Variants in GPR89A observed in about 807,000 individuals in gnomAD.
The protein encoded by GPR89A is golgi pH regulator A.
In GPR89A, 16 loss-of-function variants were observed where a neutral mutation model predicts 52.0. The ratio of observed to expected loss-of-function variants is 0.31; its 90% confidence interval spans 0.21 to 0.47. GPR89A has a LOEUF of 0.47. GPR89A is among the 20% of genes least tolerant of loss of function. The probability of loss-of-function intolerance (pLI) is 1.00; values close to 1 mark genes in which losing one functional copy is unlikely to be tolerated. For missense variants in GPR89A, 135 were observed against 449.4 expected (o/e 0.30, Z 6.33); for synonymous variants, 55 against 150.9 (o/e 0.36, Z 4.66).
rs1325688460 is a variant in GPR89A at position 145,662,827 on chromosome 1, C to A, written c.910-502C>A. On this transcript the variant is annotated intron_variant, in intron 10 of 13. Transcript: ENST00000313835. ...TGTGTTGCTATTTCTTTTCATTGGTCCCATCTGTTCTTTTCTCCCTTTTTC... is the reference window on the plus strand; with the variant it reads ...TGTGTTGCTATTTCTTTTCATTGGTACCATCTGTTCTTTTCTCCCTTTTTC... 9.5e-5 allele frequency among the ~76,000 whole-genome samples: 13 copies of A among 136,496 alleles called. 1 individual carries two copies. The highest frequency in any genetic ancestry group is 1.9e-4 in the Non-Finnish European group (12 of 64,378). 89.5% of individuals were successfully genotyped at this position (136,496 alleles called of 152,430 possible).
chr1:145,635,677 A>G (rs1650185590), intron 7 of GPR89A, among the ~76,000 whole-genome samples: 1 of 152,340 alleles, frequency 6.6e-6, no homozygotes, highest in African/African-American at 2.4e-5. Flanking sequence ...ATATAAAGAA[A>G]TGAATATATA....
intron 7 of GPR89A, among the ~76,000 whole-genome samples, chr1:145,641,919 T>C (rs1462467091): frequency 6.6e-6 from 1 of 152,194 alleles, no homozygotes; most frequent in East Asian, 1.9e-4. Flanking sequence ...TTCTTAAATA[T>C]ATGATCATTT....
intron 7 of GPR89A, among the ~76,000 whole-genome samples, chr1:145,642,957 G>C (rs1650751951): frequency 1.3e-5 from 2 of 152,002 alleles, no homozygotes; most frequent in Admixed American, 6.6e-5. Context: ...TAGGTTTCCT[G>C]TTGATTTATT....
chr1:145,613,723 C>G (rs1174906181), intron 1 of GPR89A, among the ~76,000 whole-genome samples: 3 of 151,074 alleles, frequency 2.0e-5, no homozygotes, highest in Middle Eastern at 3.4e-3. Flanking sequence ...ATGCCCTTTG[C>G]TATCTGGAAA....
intron 7 of GPR89A, among the ~76,000 whole-genome samples, chr1:145,643,230 A>T (rs1249760659): frequency 3.3e-5 from 5 of 151,612 alleles, no homozygotes; most frequent in African/African-American, 1.2e-4. Flanking sequence ...CAGTGGTGTG[A>T]TCTCAGCTCA....
At chr1:145,635,956 T>G (rs1553690664) in intron 7 of GPR89A, among the ~76,000 whole-genome samples, 2 of 149,354 alleles carry the variant, frequency 1.3e-5, no homozygotes, top group African/African-American at 4.9e-5. Flanking sequence ...AGACTCTGTC[T>G]CAAAAAAAAA....
chr1:145,656,072 A>C (rs1247940099), intron 10 of GPR89A, among the ~76,000 whole-genome samples: 1 of 152,098 alleles, frequency 6.6e-6, no homozygotes, highest in East Asian at 1.9e-4. Flanking sequence ...ACAGTCTGCC[A>C]CTACCACTGT....
At position 145,611,797 on chromosome 1, in the gene GPR89A, C is replaced by G. The variant is rs1648301215; in HGVS notation, c.42+3622C>G. ...AAGTCATATAAATATGGTCTCTAAA[C>G]TCTGAATTTACATCTGTCTCCACCG... is the stretch of plus-strand genomic sequence containing the variant. On this transcript the variant is annotated intron_variant, in intron 1 of 13. Coordinates refer to ENST00000313835, the MANE Select transcript of GPR89A (RefSeq NM_001097612.2). Among the ~76,000 whole-genome samples the G allele has an allele frequency of 5.3e-5, 8 of 151,808 alleles. 1 individual carries two copies. In the South Asian group the frequency reaches 1.7e-3, roughly 32 times the overall value.
chr1:145,650,386 T>C (rs1553693357), intron 10 of GPR89A, among the ~76,000 whole-genome samples: 1 of 151,962 alleles, frequency 6.6e-6, no homozygotes, highest in East Asian at 1.9e-4. Flanking sequence ...GGTCTATCAT[T>C]GATGGGCATT....
chr1:145,642,247 T>C (rs1553691846), intron 7 of GPR89A, among the ~76,000 whole-genome samples: 2 of 151,998 alleles, frequency 1.3e-5, no homozygotes, highest in Non-Finnish European at 1.5e-5. Flanking sequence ...CATGTTAAGC[T>C]GAAATGAACT....
chr1:145,663,486 T>C, intron 11 of GPR89A, 62 bp downstream of exon 11: 3 of 1,603,086 alleles, frequency 1.9e-6, no homozygotes, highest in Non-Finnish European at 2.6e-6. Flanking sequence ...TAACTTACCA[T>C]TGTTAAGATT....
At chr1:145,615,025 C>T (rs1211163047) in intron 1 of GPR89A, among the ~76,000 whole-genome samples, 3 of 152,116 alleles carry the variant, frequency 2.0e-5, no homozygotes, top group Non-Finnish European at 2.9e-5. Context: ...TCATAAAGGT[C>T]CTAGCCAGTT....
chr1:145,620,357 A>G (rs1471779480), intron 3 of GPR89A, among the ~76,000 whole-genome samples: 41 of 152,150 alleles, frequency 2.7e-4, no homozygotes, highest in African/African-American at 9.4e-4. Context: ...CTGTGAGGCC[A>G]TAGTTTGCCA....
intron 1 of GPR89A, among the ~76,000 whole-genome samples, chr1:145,610,609 A>G (rs1312493822): frequency 5.9e-5 from 9 of 151,990 alleles, no homozygotes; most frequent in Admixed American, 5.9e-4. Context: ...AGTACCCTTC[A>G]CCTACTTCCC....
chr1:145,629,404 C>A (rs1308494516), intron 5 of GPR89A, among the ~76,000 whole-genome samples: 1 of 152,044 alleles, frequency 6.6e-6, no homozygotes, highest in Admixed American at 6.6e-5. Flanking sequence ...ATAGCTATGT[C>A]TTTTATAATA....
At chr1:145,609,380 T>C (rs1159685785) in intron 1 of GPR89A, among the ~76,000 whole-genome samples, 1 of 152,226 alleles carries the variant, frequency 6.6e-6, no homozygotes, top group Non-Finnish European at 1.5e-5. Flanking sequence ...ACCACTCTAA[T>C]GCAATAGTTT....
At chr1:145,642,860 T>C (rs1559038908) in intron 7 of GPR89A, among the ~76,000 whole-genome samples, 1 of 151,794 alleles carries the variant, frequency 6.6e-6, no homozygotes, top group Admixed American at 6.6e-5. Flanking sequence ...ACTAGGACCC[T>C]GTTGATACCT....
intron 5 of GPR89A, among the ~76,000 whole-genome samples, chr1:145,629,369 G>T (rs1429001723): frequency 6.6e-6 from 1 of 152,146 alleles, no homozygotes; most frequent in Non-Finnish European, 1.5e-5. Context: ...TGACCATAGT[G>T]TAGAGTGAAG....
chr1:145,611,631 A>G (rs1648287670), intron 1 of GPR89A: 1 of 150,912 alleles, frequency 6.6e-6, no homozygotes, highest in African/African-American at 2.4e-5. Flanking sequence ...CCTCCCCACC[A>G]TATAAACTTA....
Sources: allele counts gnomAD v4.1 joint callset (sites outside exome capture counted in the v4.1 genomes callset), GRCh38; gene constraint gnomAD v4.1.1; transcripts MANE v1.5; gene names NCBI Gene and HGNC (gene_info 2026-07-23, HGNC 2026-07-21).